The following SPTBN1 variants were observed in gnomAD, a reference collection of about 807,000 sequenced individuals.
The protein encoded by SPTBN1 is spectrin beta, non-erythrocytic 1.
In SPTBN1, 32 loss-of-function variants were observed where a neutral mutation model predicts 266.4. That is an observed-to-expected ratio of 0.12 (90% CI 0.09 to 0.16). SPTBN1 has a LOEUF of 0.16. SPTBN1 is among the 10% of genes least tolerant of loss of function. SPTBN1 has a pLI of 1.00. For missense variants in SPTBN1, 2,296 were observed against 3,067.1 expected, an observed-to-expected ratio of 0.75 and a Z score of 5.94; for synonymous variants, 1,336 against 1,162.2, an observed-to-expected ratio of 1.15 and a Z score of -3.04.
At chr2:54,469,726 C>G (rs1486760271) in intron 1 of SPTBN1, among the ~76,000 whole-genome samples, 1 of 152,190 alleles carries the variant, frequency 6.6e-6, no homozygotes, top group African/African-American at 2.4e-5. Flanking sequence ...AGCCAGTCCT[C>G]TGAGCAGATG....
chr2:54,572,581 G>GA (rs1364289251), intron 2 of SPTBN1, among the ~76,000 whole-genome samples: 1 of 152,208 alleles, frequency 6.6e-6, no homozygotes, highest in Non-Finnish European at 1.5e-5. Flanking sequence ...ATATCTGAAA[G>GA]AAAACTGCTT....
chr2:54,522,654 G>GAA (rs70944173), intron 1 of SPTBN1, among the ~76,000 whole-genome samples: 11 of 85,608 alleles, frequency 1.3e-4, no homozygotes, highest in Non-Finnish European at 5.1e-5. Context: ...GAAAGAGAGA[G>GAA]AGAAAGAGAG....
At chr2:54,560,002 A>T (rs976480497) in intron 2 of SPTBN1, among the ~76,000 whole-genome samples, 1 of 152,166 alleles carries the variant, frequency 6.6e-6, no homozygotes, top group Admixed American at 6.5e-5. Flanking sequence ...ACAGGACGTG[A>T]TTTTAAACAT....
chr2:54,542,727 A>G (rs745648419), intron 2 of SPTBN1, among the ~76,000 whole-genome samples: 4 of 152,172 alleles, frequency 2.6e-5, no homozygotes, highest in African/African-American at 9.7e-5. Flanking sequence ...TGAGGGCTTG[A>G]GAAAGCAGGG....
intron 2 of SPTBN1, among the ~76,000 whole-genome samples, chr2:54,572,823 C>CTT: frequency 6.6e-6 from 1 of 152,170 alleles, no homozygotes; most frequent in South Asian, 2.1e-4. Context: ...GAACCATACA[C>CTT]TTGCAGTCTT....
intron 1 of SPTBN1, among the ~76,000 whole-genome samples, chr2:54,495,383 C>T (rs1668913826): frequency 6.6e-6 from 1 of 152,132 alleles, no homozygotes; most frequent in Non-Finnish European, 1.5e-5. Context: ...CTGTTTAAAT[C>T]ATATTAGGAG....
intron 2 of SPTBN1, chr2:54,528,222 A>G (rs1433881749): frequency 6.6e-6 from 1 of 152,638 alleles, no homozygotes; most frequent in African/African-American, 2.4e-5. Context: ...TCTTTAGGCC[A>G]GTATGCTAGT....
In SPTBN1 at chr2:54,629,741, G is replaced by A; in HGVS notation, c.2607G>A (p.Glu869=). ...DACELWIDEK[E]QWLNNMQIPE... ...GTGAGCTCTGGATCGACGAGAAGGA[G>A]CAGTGGCTCAACAACATGCAGATCC... is the stretch of plus-strand genomic sequence containing the variant. The change falls in exon 14 of 36, where the codon GAG becomes GAA. Residue 869 remains glutamate, a synonymous_variant. Transcript: ENST00000356805. 1 of 1,611,880 alleles carries A rather than the reference G, an allele frequency of 6.2e-7. No individual in the cohort carries two copies. Among genetic ancestry groups the A allele is most frequent in the Non-Finnish European group, 8.5e-7 (1 of 1,179,998 alleles).
chr2:54,585,100 T>C (rs1179670188), intron 2 of SPTBN1, among the ~76,000 whole-genome samples: 1 of 152,252 alleles, frequency 6.6e-6, no homozygotes, highest in African/African-American at 2.4e-5. Flanking sequence ...TCCCCATTTA[T>C]GCCCTCTTGT....
chr2:54,606,874 C>T (rs1349990466), intron 3 of SPTBN1, among the ~76,000 whole-genome samples: 1 of 152,170 alleles, frequency 6.6e-6, no homozygotes, highest in East Asian at 1.9e-4. Flanking sequence ...ACCAGTGTTA[C>T]CTCAAACAGC....
intron 1 of SPTBN1, among the ~76,000 whole-genome samples, chr2:54,479,530 G>T (rs1303483881): frequency 6.6e-6 from 1 of 152,080 alleles, no homozygotes; most frequent in Non-Finnish European, 1.5e-5. Context: ...GAGAATGAAA[G>T]GAGACACTTT....
chr2:54,507,417 A>G (rs184507996), intron 1 of SPTBN1, among the ~76,000 whole-genome samples: 309 of 152,270 alleles, frequency 2.0e-3, no homozygotes, highest in African/African-American at 7.2e-3. Context: ...TTTGAGCAGG[A>G]CTGGGGCAAC....
intron 32 of SPTBN1, chr2:54,661,799 T>C (rs1206183299): frequency 6.1e-6 from 6 of 985,330 alleles, no homozygotes; most frequent in African/African-American, 3.5e-5. Context: ...TTGACACTTT[T>C]TGTATCTAGA....
intron 17 of SPTBN1, among the ~76,000 whole-genome samples, chr2:54,633,794 A>T (rs541649113): frequency 6.6e-6 from 1 of 152,328 alleles, no homozygotes; most frequent in South Asian, 2.1e-4. Context: ...AGGTTGACTT[A>T]AAATAAGATG....
At chr2:54,654,286 C>CAT (rs1185179295) in intron 27 of SPTBN1, among the ~76,000 whole-genome samples, 1 of 152,206 alleles carries the variant, frequency 6.6e-6, no homozygotes, top group Non-Finnish European at 1.5e-5. Flanking sequence ...TTTCCATGCA[C>CAT]ATTACTAAAG....
chr2:54,487,144 T>A (rs1483768367), intron 1 of SPTBN1, among the ~76,000 whole-genome samples: 1 of 151,808 alleles, frequency 6.6e-6, no homozygotes, highest in East Asian at 1.9e-4. Flanking sequence ...TTTCTATAGC[T>A]TTTTCTGATT....
chr2:54,593,823 CTTTTTTTTTTTTTT>C (rs374877354), intron 2 of SPTBN1, among the ~76,000 whole-genome samples: 2 of 64,784 alleles, frequency 3.1e-5, no homozygotes, highest in African/African-American at 6.2e-5. Context: ...CATGGAAACA[CTTTTTTTTTTTTTT>C]TTTTTTTTTT....
At chr2:54,507,809 T>A (rs1355764445) in intron 1 of SPTBN1, among the ~76,000 whole-genome samples, 2 of 151,722 alleles carry the variant, frequency 1.3e-5, no homozygotes, top group Admixed American at 1.3e-4. Flanking sequence ...CCCCTTTTTT[T>A]TTTTTTTAGC....
chr2:54,541,416 G>C (rs987162467), intron 2 of SPTBN1, among the ~76,000 whole-genome samples: 1 of 152,234 alleles, frequency 6.6e-6, no homozygotes, highest in Non-Finnish European at 1.5e-5. Context: ...GAGAAATACA[G>C]GATGGAGAAG....
Sources: gnomAD v4.1 joint callset for allele counts (sites outside exome capture counted in the v4.1 genomes callset) on GRCh38, gnomAD v4.1.1 for gene constraint, MANE v1.5 for transcripts, NCBI Gene and HGNC (gene_info 2026-07-23, HGNC 2026-07-21) for gene names.